NOL4L: variants seen among roughly 807,000 people sequenced by gnomAD.
The protein encoded by NOL4L is nucleolar protein 4-like.
NOL4L carries 7 observed loss-of-function variants against 64.5 expected under a neutral mutation model. That is an observed-to-expected ratio of 0.11 (90% CI 0.06 to 0.20). The LOEUF (loss-of-function observed/expected upper bound fraction) is 0.20. Ranked by LOEUF, NOL4L falls within the 10% of genes least tolerant of loss-of-function variation. The pLI is 1.00. For missense variants in NOL4L, 680 were observed against 967.1 expected, an observed-to-expected ratio of 0.70 and a Z score of 3.94; for synonymous variants, 413 against 401.0, an observed-to-expected ratio of 1.03 and a Z score of -0.36.
chr20:32,459,380 ATTTT>A (rs35851647), intron 5 of NOL4L, among the ~76,000 whole-genome samples: 1 of 121,324 alleles, frequency 8.2e-6, no homozygotes, highest in Admixed American at 8.6e-5. Context: ...CGCTTGGCTA[ATTTT>A]TTTTTTTTTT....
At chr20:32,497,834 C>T (rs942292727) in intron 4 of NOL4L, among the ~76,000 whole-genome samples, 6 of 152,186 alleles carry the variant, frequency 3.9e-5, no homozygotes, top group Non-Finnish European at 8.8e-5. Context: ...GACAGAGCCA[C>T]TTCCCCCCTT....
Position 32,456,433 on chromosome 20 carries a change from G to A in NOL4L, c.842-38C>T, listed in dbSNP as rs200671976. ...GCCTGGGTGTGAGGCCCCACCCAAG[G>A]CACTGTGGCCACTGCAGCCACCTCG... On this transcript the variant is annotated intron_variant, in intron 5 of 10. Transcript: ENST00000621426. 2.1e-6 allele frequency: 3 copies of A among 1,432,090 alleles called. No individual in the cohort carries two copies. The East Asian group carries it at 8.1e-5, about 39-fold the overall frequency. The allele number at this position is 1,432,090 out of a possible 1,614,324, so 88.7% of individuals were successfully genotyped here.
At chr20:32,509,991 C>G (rs1474825345) in intron 4 of NOL4L, 8 of 1,265,782 alleles carry the variant, frequency 6.3e-6, no homozygotes, top group Non-Finnish European at 6.3e-6. Context: ...TGAGAGGAGA[C>G]CTAATGCAGA....
At chr20:32,556,876 C>T (rs1978687470) in intron 1 of NOL4L, among the ~76,000 whole-genome samples, 1 of 152,240 alleles carries the variant, frequency 6.6e-6, no homozygotes, top group Non-Finnish European at 1.5e-5. Context: ...CGCCACACGG[C>T]CACCTTGCTC....
At chr20:32,535,873 G>A (rs2018504805) in intron 1 of NOL4L, 8 of 985,368 alleles carry the variant, frequency 8.1e-6, no homozygotes, top group Non-Finnish European at 9.6e-6. Flanking sequence ...GGGCTGGAGG[G>A]AGGAGTACTG....
At chr20:32,583,864 A>G (rs1212454650) in intron 1 of NOL4L, among the ~76,000 whole-genome samples, 24 of 132,132 alleles carry the variant, frequency 1.8e-4, no homozygotes, top group African/African-American at 6.8e-4. Context: ...AGGGGAGGGG[A>G]TGGATAGGTC....
In NOL4L at chr20:32,554,245, C is replaced by T. The variant is rs190816679; in HGVS notation, c.322-26332G>A. Among the ~76,000 whole-genome samples the T allele has an allele frequency of 8.3e-3, 1,205 of 145,410 alleles. 7 individuals are homozygous for T. Among genetic ancestry groups the T allele is most frequent in the Middle Eastern group, 0.021 (6 of 280 alleles). On this transcript the variant is annotated intron_variant, in intron 1 of 10. Transcript: ENST00000621426. ...CTGAGGCAGGAGAATGGCATGAACC[C>T]GGAAGGCAGAGCTTGCAGTGAGCCG...
intron 4 of NOL4L, among the ~76,000 whole-genome samples, chr20:32,481,748 G>C (rs1364944923): frequency 6.6e-6 from 1 of 152,200 alleles, no homozygotes; most frequent in Non-Finnish European, 1.5e-5. Flanking sequence ...TCCAATGAAG[G>C]GGTAATTTAC....
chr20:32,567,018 G>A (rs1979471577), intron 1 of NOL4L, among the ~76,000 whole-genome samples: 1 of 152,230 alleles, frequency 6.6e-6, no homozygotes, highest in Admixed American at 6.5e-5. Flanking sequence ...CACAGGAAGT[G>A]AAGGGGCAGC....
intron 4 of NOL4L, among the ~76,000 whole-genome samples, chr20:32,496,750 T>C (rs1019245698): frequency 3.9e-4 from 59 of 152,006 alleles, no homozygotes; most frequent in African/African-American, 1.4e-3. Flanking sequence ...CAGGGTTTCA[T>C]CATGTTGGCC....
At chr20:32,553,256 A>G (rs545474196) in intron 1 of NOL4L, among the ~76,000 whole-genome samples, 13 of 151,914 alleles carry the variant, frequency 8.6e-5, no homozygotes, top group African/African-American at 3.1e-4. Context: ...GCCTCCTCCC[A>G]GCTTCCACCC....
At chr20:32,540,935 C>T (rs1357402248) in intron 1 of NOL4L, among the ~76,000 whole-genome samples, 5 of 151,796 alleles carry the variant, frequency 3.3e-5, no homozygotes, top group Non-Finnish European at 7.4e-5. Flanking sequence ...AGAGAAGAGG[C>T]CCACAGTCTG....
chr20:32,560,066 T>A (rs1193585518), intron 1 of NOL4L, among the ~76,000 whole-genome samples: 3 of 152,218 alleles, frequency 2.0e-5, no homozygotes, highest in Non-Finnish European at 4.4e-5. Context: ...GAGGTTCTTT[T>A]CACAAAGGAG....
chr20:32,511,263 TG>T, intron 4 of NOL4L, 83 bp downstream of exon 4: 1 of 811,488 alleles, frequency 1.2e-6, no homozygotes, highest in Non-Finnish European at 2.0e-6. Context: ...ACACAAGCTG[TG>T]GCCCCAAGTC....
intron 1 of NOL4L, among the ~76,000 whole-genome samples, chr20:32,572,016 C>T (rs889942050): frequency 6.6e-6 from 1 of 152,238 alleles, no homozygotes; most frequent in African/African-American, 2.4e-5. Flanking sequence ...CACCCTCTGC[C>T]AGGCAGATTC....
At chr20:32,502,793 C>G (rs1419108755) in intron 4 of NOL4L, among the ~76,000 whole-genome samples, 4 of 151,728 alleles carry the variant, frequency 2.6e-5, no homozygotes, top group African/African-American at 9.7e-5. Flanking sequence ...GGCCTGTAAT[C>G]CCAGCTACTC....
chr20:32,565,978 A>G (rs1160811568), intron 1 of NOL4L, among the ~76,000 whole-genome samples: 2 of 152,150 alleles, frequency 1.3e-5, no homozygotes, highest in Non-Finnish European at 2.9e-5. Context: ...AGCCCAGGTC[A>G]AGGCTGCAGT....
chr20:32,488,885 T>C (rs1477451895), intron 4 of NOL4L, among the ~76,000 whole-genome samples: 6 of 137,324 alleles, frequency 4.4e-5, no homozygotes, highest in East Asian at 2.1e-4. Flanking sequence ...CTTTCTTTCT[T>C]TCTTTCTTTC....
rs137857592 is a variant in NOL4L, at chr20:32,509,892, C to T, written c.699+1455G>A. ...CATTCTTCATGGGCACAGATGAGCA[C>T]GGTGATAACAGTGTTTACGAAGCCA... is the stretch of plus-strand genomic sequence containing the variant. On this transcript the variant is annotated intron_variant, in intron 4 of 10. Transcript: ENST00000621426. The T allele has an allele frequency of 5.7e-5, 74 of 1,304,196 alleles. 1 individual carries two copies. In the East Asian group the frequency reaches 3.2e-3, roughly 56 times the overall value. 80.8% of individuals were successfully genotyped at this position (1,304,196 alleles called of 1,614,324 possible). A position where few individuals can be genotyped will look rare whatever the true frequency, so the allele number is the denominator to read the frequency against.
Sources: allele counts gnomAD v4.1 joint callset (sites outside exome capture counted in the v4.1 genomes callset), GRCh38; gene constraint gnomAD v4.1.1; transcripts MANE v1.5; gene names NCBI Gene and HGNC (gene_info 2026-07-23, HGNC 2026-07-21).